RNF17: variants seen among roughly 807,000 people sequenced by gnomAD.
The protein encoded by RNF17 is spermatogenesis associated 23.
RNF17 carries 31 observed loss-of-function variants against 200.5 expected under a neutral mutation model. The observed-to-expected ratio is 0.15, with a 90% confidence interval of 0.12 to 0.21. The LOEUF (loss-of-function observed/expected upper bound fraction) is 0.21, where lower values mean the gene tolerates loss of function less well. Among genes scored for constraint, RNF17 ranks in the 10% least tolerant of loss-of-function variants. The probability of loss-of-function intolerance (pLI) is 1.00; values close to 1 mark genes in which losing one functional copy is unlikely to be tolerated. For synonymous variants in RNF17, 606 were observed against 637.8 expected (o/e 0.95, Z 0.75); for missense variants, 1,628 against 1,905.1 (o/e 0.85, Z 2.71).
chr13:24,884,316 A>AACAT (rs1566276320), downstream of RNF17: 4 of 1,614,150 alleles, frequency 2.5e-6, no homozygotes, highest in Non-Finnish European at 3.4e-6. Flanking sequence ...CACCTCTGGA[A>AACAT]ACATACCACT....
At position 24,864,976 on chromosome 13, in the gene RNF17, A is replaced by G; in HGVS notation, c.4079A>G (p.His1360Arg). 1 of 1,558,638 alleles carries G rather than the reference A, an allele frequency of 6.4e-7. No homozygotes were observed. Among genetic ancestry groups the G allele is most frequent in the Non-Finnish European group, 8.7e-7 (1 of 1,151,990 alleles). Residue 1360 changes from histidine (H) to arginine (R), a missense_variant, in exon 29 of 36, where the codon CAT (histidine) becomes CGT (arginine). By Grantham distance (29) the His-to-Arg change is conservative. Transcript: ENST00000255324. ...MAYYKYCTSE[H>R]TEEMLKEKPR... is the part of the protein sequence containing the mutation. ...TACTATAAATACTGTACTTCTGAAC[A>G]TACTGAGGAGATGTTGAAAGAAGTA...
chr13:24,847,449 G>A (rs768917603), intron 22 of RNF17, among the ~76,000 whole-genome samples: 2 of 151,360 alleles, frequency 1.3e-5, no homozygotes, highest in Non-Finnish European at 1.5e-5. Flanking sequence ...AGATTCAAGC[G>A]ATTCTCCCAC....
chr13:24,868,208 C>T (rs1445885879), intron 30 of RNF17, among the ~76,000 whole-genome samples: 3 of 152,044 alleles, frequency 2.0e-5, no homozygotes, highest in East Asian at 3.9e-4. Flanking sequence ...CGGTGGCTCA[C>T]GCCTCTAATC....
chr13:24,760,952 T>A (rs1878689425), upstream of RNF17, among the ~76,000 whole-genome samples: 2 of 151,614 alleles, frequency 1.3e-5, no homozygotes, highest in African/African-American at 2.4e-5. Flanking sequence ...GGAGATTATT[T>A]AAAAAAAAAG....
chr13:24,809,559 C>G (rs1886332403), intron 15 of RNF17, among the ~76,000 whole-genome samples: 1 of 152,084 alleles, frequency 6.6e-6, no homozygotes, highest in Non-Finnish European at 1.5e-5. Context: ...TGCTAGCGGT[C>G]TATCAATTTT....
intron 15 of RNF17, among the ~76,000 whole-genome samples, chr13:24,809,064 T>G (rs1414073986): frequency 1.3e-5 from 2 of 151,908 alleles, no homozygotes; most frequent in East Asian, 3.9e-4. Context: ...TTATTGAGGA[T>G]TTTTGCATCA....
intron 34 of RNF17, among the ~76,000 whole-genome samples, chr13:24,878,873 TCA>T (rs1467660590): frequency 6.6e-6 from 1 of 152,130 alleles, no homozygotes; most frequent in Non-Finnish European, 1.5e-5. Context: ...ATATTAACCA[TCA>T]CAGTCAGTTT....
chr13:24,750,295 A>G, the RNF17 span, among the ~76,000 whole-genome samples: 1 of 152,138 alleles, frequency 6.6e-6, no homozygotes, highest in East Asian at 1.9e-4. Context: ...TTGGTTTTTT[A>G]TTAAAACAGC....
At chr13:24,803,518 T>C (rs757228828) in intron 14 of RNF17, among the ~76,000 whole-genome samples, 1 of 152,168 alleles carries the variant, frequency 6.6e-6, no homozygotes, top group African/African-American at 2.4e-5. Context: ...AGGCTGGTCT[T>C]GAACTCCTGC....
At chr13:24,767,503 A>G in intron 2 of RNF17, 137 bp downstream of exon 2, 1 of 594,158 alleles carries the variant, frequency 1.7e-6, no homozygotes, top group Non-Finnish European at 3.0e-6. Context: ...TAATCCCAGC[A>G]CTTTTGGAGG....
chr13:24,755,090 T>A, the RNF17 span, among the ~76,000 whole-genome samples: 1 of 152,316 alleles, frequency 6.6e-6, no homozygotes, highest in East Asian at 1.9e-4. Flanking sequence ...TCCATTTGAC[T>A]GCTGTGTTTC....
intron 34 of RNF17, among the ~76,000 whole-genome samples, chr13:24,877,918 CA>C (rs1328290144): frequency 7.9e-5 from 12 of 152,292 alleles, no homozygotes; most frequent in Admixed American, 7.8e-4. Context: ...TTTTATTTAG[CA>C]CACAGTGTTT....
chr13:24,856,169 C>T (rs1892468488), intron 25 of RNF17, among the ~76,000 whole-genome samples: 1 of 151,820 alleles, frequency 6.6e-6, no homozygotes, highest in Non-Finnish European at 1.5e-5. Flanking sequence ...GCCTGTAATC[C>T]CAGCACTTTT....
Position 24,854,062 on chromosome 13 carries a change from T to C in RNF17, c.3528T>C (p.Ala1176=). ...CCACTAGAGGGTATAAGCCACCAGC[T>C]ATTCCTAACATGAACGTATTTGAGG... The part of the protein sequence containing the change: ...PRTTRGYKPP[A]IPNMNVFEAT... Residue 1176 remains alanine (A), a synonymous_variant, in exon 25 of 36, where the codon GCT becomes GCC. Transcript: ENST00000255324. The C allele has an allele frequency of 2.5e-6, 4 of 1,613,990 alleles. No homozygotes were observed. The highest frequency in any genetic ancestry group is 3.4e-6 in the Non-Finnish European group (4 of 1,179,870).
At chr13:24,867,631 T>C (rs1893766734) in intron 30 of RNF17, among the ~76,000 whole-genome samples, 2 of 152,204 alleles carry the variant, frequency 1.3e-5, no homozygotes. Flanking sequence ...TTGAATATGA[T>C]GGTTTTACTT....
intron 6 of RNF17, among the ~76,000 whole-genome samples, chr13:24,783,470 TTG>T (rs1274265749): frequency 6.6e-6 from 1 of 152,228 alleles, no homozygotes; most frequent in African/African-American, 2.4e-5. Flanking sequence ...GTAGATCACT[TTG>T]TGCAGTATTG....
chr13:24,886,373 G>C, the RNF17 span: 1 of 1,289,096 alleles, frequency 7.8e-7, no homozygotes, highest in African/African-American at 1.5e-5. Flanking sequence ...CGTGTGAGGC[G>C]GCTGTGCTGT....
At chr13:24,882,133 G>GATACATCTATATAT (rs1327520593), downstream of RNF17, among the ~76,000 whole-genome samples, 1 of 3,044 alleles carries the variant, frequency 3.3e-4, no homozygotes, top group African/African-American at 5.6e-4. Flanking sequence ...CATCTATATA[G>GATACATCTATATAT]ATAGATACAT....
chr13:24,868,019 A>G (rs61314663), intron 30 of RNF17, among the ~76,000 whole-genome samples: 18,863 of 152,238 alleles, frequency 0.12, 1,281 homozygotes, highest in Admixed American at 0.15. Context: ...AATTGTATGT[A>G]TATGTGTAGA....
Sources: gnomAD v4.1 joint callset for allele counts (sites outside exome capture counted in the v4.1 genomes callset) on GRCh38, gnomAD v4.1.1 for gene constraint, MANE v1.5 for transcripts, NCBI Gene and HGNC (gene_info 2026-07-23, HGNC 2026-07-21) for gene names.